Variants in SLC45A4 observed in about 807,000 individuals in gnomAD.
SLC45A4 encodes solute carrier family 45 member 4, also known as polyamine-transporter SLC45A4.
A neutral mutation model predicts 63.7 loss-of-function variants in SLC45A4; 32 were observed. The observed-to-expected ratio is 0.50, with a 90% CI of 0.38 to 0.67. The LOEUF is 0.67. Among genes scored for constraint, SLC45A4 ranks in the 30% least tolerant of loss-of-function variants. The pLI is 0.00. For synonymous variants in SLC45A4, 535 were observed against 510.0 expected (o/e 1.05, Z -0.66); for missense variants, 1,027 against 1,157.7 (o/e 0.89, Z 1.64).
intron 1 of SLC45A4, among the ~76,000 whole-genome samples, chr8:141,290,159 C>G (rs1340494060): frequency 1.3e-5 from 2 of 152,082 alleles, no homozygotes; most frequent in Non-Finnish European, 1.5e-5. Flanking sequence ...TATACATGAT[C>G]TACATCTACG....
At chr8:141,275,244 G>A (rs1407892418) in intron 1 of SLC45A4, among the ~76,000 whole-genome samples, 1 of 152,132 alleles carries the variant, frequency 6.6e-6, no homozygotes, top group African/African-American at 2.4e-5. Flanking sequence ...AGAACCAAGC[G>A]TTTTCTTGGG....
chr8:141,216,436 G>A (rs555412993), intron 6 of SLC45A4, among the ~76,000 whole-genome samples: 2 of 152,310 alleles, frequency 1.3e-5, no homozygotes, highest in East Asian at 1.9e-4. Flanking sequence ...CAGCTCAGAC[G>A]GCACCTCCCC....
At chr8:141,245,184 T>C (rs979769670) in intron 2 of SLC45A4, among the ~76,000 whole-genome samples, 3 of 152,186 alleles carry the variant, frequency 2.0e-5, no homozygotes, top group South Asian at 4.1e-4. Flanking sequence ...GTGTCAACTC[T>C]GCACACGTTT....
At chr8:141,242,795 GT>G (rs1827978920) in intron 2 of SLC45A4, among the ~76,000 whole-genome samples, 1 of 152,104 alleles carries the variant, frequency 6.6e-6, no homozygotes, top group Admixed American at 6.5e-5. Flanking sequence ...GAGGCCACAC[GT>G]TGGGGGAGCC....
intron 2 of SLC45A4, among the ~76,000 whole-genome samples, chr8:141,230,998 C>G (rs1827319271): frequency 6.6e-6 from 1 of 151,586 alleles, no homozygotes; most frequent in Non-Finnish European, 1.5e-5. Context: ...CCCAGTGAGG[C>G]ATTTCCCCCA....
At chr8:141,250,803 C>A (rs1828429408) in intron 2 of SLC45A4, among the ~76,000 whole-genome samples, 2 of 152,216 alleles carry the variant, frequency 1.3e-5, no homozygotes, top group South Asian at 4.2e-4. Flanking sequence ...TGGGACATAC[C>A]CCCGTTGCAA....
intron 2 of SLC45A4, chr8:141,225,256 A>G (rs1826904228): frequency 6.6e-6 from 1 of 152,190 alleles, no homozygotes; most frequent in Admixed American, 6.5e-5. Flanking sequence ...CTACACTGCT[A>G]TATTCCTCTG....
intron 7 of SLC45A4, among the ~76,000 whole-genome samples, chr8:141,214,274 T>C (rs1826008414): frequency 6.6e-6 from 1 of 151,838 alleles, no homozygotes; most frequent in Non-Finnish European, 1.5e-5. Context: ...AAACACCACT[T>C]CTACATATTT....
intron 3 of SLC45A4, among the ~76,000 whole-genome samples, chr8:141,220,123 C>T (rs1826511912): frequency 6.6e-6 from 1 of 152,196 alleles, no homozygotes; most frequent in Non-Finnish European, 1.5e-5. Context: ...GAAGAATAGA[C>T]CTTTCTACCC....
chr8:141,281,610 GTCAAA>G lies in SLC45A4; in HGVS notation c.-401+26481_-401+26485del, dbSNP rs568299994. On this transcript the variant is annotated intron_variant, in intron 1 of 8. Coordinates refer to ENST00000517878, the MANE Select transcript of SLC45A4 (RefSeq NM_001286646.2). The stretch of plus-strand genomic sequence containing the variant: ...ACTTTCTGAAATGGCCTTAGGATGA[GTCAAA>G]TCCTTGGTTCAATACATGACAGTGT... 1.2e-4 allele frequency among the ~76,000 whole-genome samples: 18 copies of G among 152,332 alleles called. No individual in the cohort carries two copies. The South Asian group carries it at 3.7e-3, about 32-fold the overall frequency.
intron 1 of SLC45A4, among the ~76,000 whole-genome samples, chr8:141,279,113 G>C (rs902587116): frequency 6.6e-6 from 1 of 152,250 alleles, no homozygotes; most frequent in Non-Finnish European, 1.5e-5. Flanking sequence ...CCCACCTCCA[G>C]GCTCTGCTGG....
At chr8:141,307,395 G>A (rs1358835055) in intron 1 of SLC45A4, among the ~76,000 whole-genome samples, 2 of 152,206 alleles carry the variant, frequency 1.3e-5, no homozygotes, top group Non-Finnish European at 2.9e-5. Context: ...AGGGACACAA[G>A]GGAGCGCAGT....
chr8:141,243,377 A>G (rs1205173435), intron 2 of SLC45A4, among the ~76,000 whole-genome samples: 2 of 152,212 alleles, frequency 1.3e-5, no homozygotes, highest in Non-Finnish European at 2.9e-5. Flanking sequence ...CACAAACTAG[A>G]AAGGCTTTTT....
At chr8:141,234,306 G>A (rs932613057) in intron 2 of SLC45A4, among the ~76,000 whole-genome samples, 1 of 152,158 alleles carries the variant, frequency 6.6e-6, no homozygotes, top group Non-Finnish European at 1.5e-5. Context: ...TTTCCCTTTG[G>A]AGCCCTGGTT....
intron 8 of SLC45A4, 200 bp from the exon 9 acceptor site, chr8:141,211,897 C>G: frequency 8.0e-7 from 1 of 1,244,230 alleles, no homozygotes; most frequent in Non-Finnish European, 1.0e-6. Flanking sequence ...GAATAATACA[C>G]CTGCAGAATA....
At chr8:141,237,145 A>G (rs553994617) in intron 2 of SLC45A4, among the ~76,000 whole-genome samples, 3 of 152,324 alleles carry the variant, frequency 2.0e-5, no homozygotes, top group Non-Finnish European at 2.9e-5. Flanking sequence ...TATATTGCTT[A>G]CTATATGGGA....
rs1289288615 is a variant in SLC45A4 at position 141,218,626 on chromosome 8, G to A, written c.1014C>T (p.Ala338=). The part of the protein sequence containing the change: ...HDIEPSIFHD[A]SYPATPRSTS... ...TGCTGCGGGGGGTGGCGGGGTAGGA[G>A]GCGTCGTGGAAGATGGAGGGCTCGA... is the stretch of plus-strand genomic sequence containing the variant. The change falls in exon 5 of 9, where the codon GCC becomes GCT. Residue 338 remains alanine (A), a synonymous_variant. Transcript: ENST00000517878. 3.7e-6 allele frequency: 6 copies of A among 1,613,420 alleles called. No individual in the cohort carries two copies. Among genetic ancestry groups the A allele is most frequent in the Middle Eastern group, 1.6e-4 (1 of 6,062 alleles).
intron 3 of SLC45A4, 55 bp downstream of exon 3, chr8:141,221,522 A>T: frequency 1.3e-6 from 2 of 1,559,162 alleles, no homozygotes; most frequent in Non-Finnish European, 1.7e-6. Context: ...GGAGCTACCC[A>T]GGGCCAGGAC....
rs1399703188 is a variant in SLC45A4 at position 141,278,625 on chromosome 8, G to A, written c.-400-23996C>T. 6.6e-6 allele frequency among the ~76,000 whole-genome samples: 1 copy of A among 152,280 alleles called. No homozygotes were observed. The highest frequency in any genetic ancestry group is 1.5e-5 in the Non-Finnish European group (1 of 68,050). On this transcript the variant is annotated intron_variant, in intron 1 of 8. Transcript: ENST00000517878. The surrounding 1 kb of genome is among the most constrained non-coding windows in gnomAD (Gnocchi z 4.1). ...CTGCCCCCTAGCCACCAGCAGCTGA[G>A]TGCTGACCACAGCCCCCACGGGCAG...
Sources: gnomAD v4.1 joint callset for allele counts (sites outside exome capture counted in the v4.1 genomes callset) on GRCh38, gnomAD v4.1.1 for gene constraint, Gnocchi (gnomAD v3.1) non-coding constraint, MANE v1.5 for transcripts, NCBI Gene and HGNC (gene_info 2026-07-23, HGNC 2026-07-21) for gene names.